Variants in IGFBP7 observed in about 807,000 individuals in gnomAD.
IGFBP7 encodes the protein insulin like growth factor binding protein 7, also known as insulin-like growth factor-binding protein 7.
Under a neutral mutation model 29.4 loss-of-function variants are expected in IGFBP7, and 31 were observed. That is an observed-to-expected ratio of 1.05 (90% CI 0.79 to 1.42). IGFBP7 has a LOEUF of 1.42. IGFBP7 is among the 40% of genes most tolerant of loss of function. The pLI is 0.00. For synonymous variants in IGFBP7, 172 were observed against 174.9 expected, an observed-to-expected ratio of 0.98 and a Z score of 0.13; for missense variants, 393 against 395.5, an observed-to-expected ratio of 0.99 and a Z score of 0.05.
At chr4:57,088,891 G>A (rs1049407067) in intron 1 of IGFBP7, among the ~76,000 whole-genome samples, 1 of 151,988 alleles carries the variant, frequency 6.6e-6, no homozygotes, top group Non-Finnish European at 1.5e-5. Flanking sequence ...AATTAGCTGG[G>A]TGTGGTGTTG....
rs1723990728 is a variant in IGFBP7, at chr4:57,033,219, C to CT, written c.677dup (p.His227AlafsTer2). The CT allele has an allele frequency of 6.2e-7, 1 of 1,613,766 alleles. No homozygotes were observed. The highest frequency in any genetic ancestry group is 1.3e-5 in the African/African-American group (1 of 74,910). ...CCAGCACCCAGCCAGTTACTTCATG[C>CT]TTTTCTGGGCCACCCCGGGTCTGAA... On this transcript the variant is annotated frameshift_variant, in exon 3 of 5. Coordinates refer to ENST00000295666, the MANE Select transcript of IGFBP7 (RefSeq NM_001553.3). LOFTEE classifies it high-confidence loss of function.
chr4:57,071,293 A>G lies in IGFBP7; in HGVS notation c.476-30360T>C, dbSNP rs1013010947. The stretch of plus-strand genomic sequence containing the variant: ...CACTTCTAGTCAACCATTCAATTCC[A>G]TGCTGTCATTGAATATACATACATC... On this transcript the variant is annotated intron_variant, in intron 1 of 4. Transcript: ENST00000295666. 2.6e-5 allele frequency among the ~76,000 whole-genome samples: 4 copies of G among 152,226 alleles called. No homozygotes were observed. In the East Asian group the frequency reaches 7.7e-4, roughly 29 times the overall value.
intron 1 of IGFBP7, among the ~76,000 whole-genome samples, chr4:57,064,910 A>G (rs1724882693): frequency 6.6e-6 from 1 of 152,258 alleles, no homozygotes; most frequent in African/African-American, 2.4e-5. Context: ...GTGCGAAGCT[A>G]AGAGATTAGG....
intron 1 of IGFBP7, chr4:57,073,171 G>A (rs1725105259): frequency 6.7e-7 from 1 of 1,492,386 alleles, no homozygotes; most frequent in Non-Finnish European, 9.2e-7. Context: ...GTCTTTTTAA[G>A]TTTTCCTTAG....
At chr4:57,078,754 G>C (rs1249272642) in intron 1 of IGFBP7, among the ~76,000 whole-genome samples, 1 of 151,874 alleles carries the variant, frequency 6.6e-6, no homozygotes, top group Non-Finnish European at 1.5e-5. Context: ...GGGGTCCACA[G>C]AGAACCAGCT....
chr4:57,037,892 A>G (rs1267876559), intron 2 of IGFBP7, among the ~76,000 whole-genome samples: 3 of 152,152 alleles, frequency 2.0e-5, no homozygotes, highest in Non-Finnish European at 2.9e-5. Context: ...GCAATCTCCA[A>G]ATTAGCAGTG....
At chr4:57,038,545 G>T (rs11573121) in intron 2 of IGFBP7, among the ~76,000 whole-genome samples, 7,556 of 152,132 alleles carry the variant, frequency 0.05, 250 homozygotes, top group East Asian at 0.16. Context: ...AGTCCTCCTG[G>T]AGTTCTAGAA....
At chr4:57,048,218 A>G (rs1724413681) in intron 1 of IGFBP7, among the ~76,000 whole-genome samples, 1 of 151,786 alleles carries the variant, frequency 6.6e-6, no homozygotes, top group Admixed American at 6.6e-5. Context: ...CTCCCGGCTA[A>G]CTTTTTGTAT....
chr4:57,102,762 C>A (rs1172144345), intron 1 of IGFBP7, among the ~76,000 whole-genome samples: 1 of 152,152 alleles, frequency 6.6e-6, no homozygotes, highest in Non-Finnish European at 1.5e-5. Context: ...TGAAACTGGA[C>A]AAAATGATTA....
At chr4:57,090,707 G>GTAT (rs1471979065) in intron 1 of IGFBP7, among the ~76,000 whole-genome samples, 2 of 152,108 alleles carry the variant, frequency 1.3e-5, no homozygotes, top group Non-Finnish European at 2.9e-5. Flanking sequence ...AAATAGCCAG[G>GTAT]TGTGGTGGTG....
chr4:57,046,078 G>C (rs1404054621), intron 1 of IGFBP7, among the ~76,000 whole-genome samples: 1 of 152,088 alleles, frequency 6.6e-6, no homozygotes, highest in Non-Finnish European at 1.5e-5. Context: ...GGTAAATGAA[G>C]ATACATGGTG....
chr4:57,045,744 T>C (rs1251641662), intron 1 of IGFBP7, among the ~76,000 whole-genome samples: 1 of 151,978 alleles, frequency 6.6e-6, no homozygotes, highest in Non-Finnish European at 1.5e-5. Flanking sequence ...CTTTTTTTTT[T>C]TTTTAGATGG....
In IGFBP7 at chr4:57,086,644, C is replaced by T. The variant is rs373521263; in HGVS notation, c.475+23233G>A. On this transcript the variant is annotated intron_variant, in intron 1 of 4. Transcript: ENST00000295666. Reference sequence around the variant, plus strand: ...TTTGTGGTAAATGTTTTCCATGGGGCTTGGGTTTTGGTATCTAGAGGATTT... The same window carrying T: ...TTTGTGGTAAATGTTTTCCATGGGGTTTGGGTTTTGGTATCTAGAGGATTT... 1.1e-4 allele frequency among the ~76,000 whole-genome samples: 16 copies of T among 152,166 alleles called. No homozygotes were observed. The East Asian group carries it at 1.4e-3, about 13-fold the overall frequency.
chr4:57,083,803 T>C (rs1309566504), intron 1 of IGFBP7, among the ~76,000 whole-genome samples: 1 of 152,268 alleles, frequency 6.6e-6, no homozygotes, highest in African/African-American at 2.4e-5. Context: ...TTATGGTTTC[T>C]GGGTTACCAG....
In IGFBP7 at chr4:57,074,058, TC is replaced by T. The variant is rs1560501827; in HGVS notation, c.476-33126del. Among the ~76,000 whole-genome samples the T allele has an allele frequency of 2.9e-4, 43 of 148,846 alleles. 1 individual carries two copies. The highest frequency in any genetic ancestry group is 8.4e-4 in the South Asian group (4 of 4,762). On this transcript the variant is annotated intron_variant, in intron 1 of 4. Transcript: ENST00000295666. The stretch of plus-strand genomic sequence containing the variant: ...AAATGCATCTCTCTCTCTCTCTCTC[TC>T]TCTCTCTCTTTTTTCTTTTGAGACA...
intron 1 of IGFBP7, among the ~76,000 whole-genome samples, chr4:57,073,593 C>CA (rs33959236): frequency 0.049 from 7,223 of 148,308 alleles, 244 homozygotes; most frequent in Non-Finnish European, 0.074. Context: ...GACCCTGACT[C>CA]AAAAAAAAAA....
At chr4:57,079,234 G>A (rs963941200) in intron 1 of IGFBP7, among the ~76,000 whole-genome samples, 2 of 150,672 alleles carry the variant, frequency 1.3e-5, no homozygotes, top group Non-Finnish European at 3.0e-5. Flanking sequence ...TTTTTGGTGT[G>A]TGTGTGTGTG....
At chr4:57,074,778 C>T (rs375701088) in intron 1 of IGFBP7, among the ~76,000 whole-genome samples, 49 of 152,340 alleles carry the variant, frequency 3.2e-4, no homozygotes, top group African/African-American at 1.2e-3. Context: ...AAAACACAGC[C>T]ACAAGCACCC....
rs190848064 is a variant in IGFBP7 at position 57,048,301 on chromosome 4, G to A, written c.476-7368C>T. Among the ~76,000 whole-genome samples, 986 of 152,112 alleles carry A rather than the reference G, an allele frequency of 6.5e-3. 12 individuals carry two copies. Among genetic ancestry groups the A allele is most frequent in the African/African-American group, 0.022 (907 of 41,480 alleles). On this transcript the variant is annotated intron_variant, in intron 1 of 4. Coordinates refer to ENST00000295666, the MANE Select transcript of IGFBP7 (RefSeq NM_001553.3). ...CCTGACCTCGTGATCCACCTGCCTCGGCCTCCCAAAGTACTGGGATTACAG... is the reference window on the plus strand; with the variant it reads ...CCTGACCTCGTGATCCACCTGCCTCAGCCTCCCAAAGTACTGGGATTACAG...
Sources: gnomAD v4.1 joint callset for allele counts (sites outside exome capture counted in the v4.1 genomes callset) on GRCh38, gnomAD v4.1.1 for gene constraint, MANE v1.5 for transcripts, NCBI Gene and HGNC (gene_info 2026-07-23, HGNC 2026-07-21) for gene names.